Variants in PLXNA4 observed in about 807,000 individuals in gnomAD.
PLXNA4 encodes plexin A4.
Under a neutral mutation model 191.8 loss-of-function variants are expected in PLXNA4, and 44 were observed. The observed-to-expected ratio is 0.23, with a 90% confidence interval of 0.18 to 0.29. The LOEUF is 0.29. Among genes scored for constraint, PLXNA4 ranks in the 10% least tolerant of loss-of-function variants. The pLI is 1.00. For synonymous variants in PLXNA4, 1,082 were observed against 1,009.5 expected (o/e 1.07, Z -1.36); for missense variants, 1,800 against 2,488.8 (o/e 0.72, Z 5.89).
intron 2 of PLXNA4, among the ~76,000 whole-genome samples, chr7:132,586,468 A>C (rs1372275532): frequency 6.6e-6 from 1 of 152,252 alleles, no homozygotes; most frequent in Admixed American, 6.5e-5. Flanking sequence ...TATGGCACTC[A>C]GGCCGGGCAT....
chr7:132,506,541 G>A (rs1798471955), intron 2 of PLXNA4, among the ~76,000 whole-genome samples: 1 of 152,196 alleles, frequency 6.6e-6, no homozygotes, highest in Admixed American at 6.5e-5. Flanking sequence ...TGAAGATGCT[G>A]ATAGCTGAGC....
In PLXNA4 at chr7:132,646,849, A is replaced by G. The variant is rs191641253; in HGVS notation, c.-202-806T>C. Among the ~76,000 whole-genome samples, 504 of 152,266 alleles carry G rather than the reference A, an allele frequency of 3.3e-3. 3 individuals carry two copies. Among genetic ancestry groups the G allele is most frequent in the South Asian group, 0.016 (78 of 4,822 alleles). On this transcript the variant is annotated intron_variant, in intron 1 of 4. Transcript: ENST00000378539. ...CAGACACACGGCCACACATACGAAC[A>G]CACACTGTCATACACTCACAAACAC...
chr7:132,605,998 T>C (rs952812973), intron 2 of PLXNA4, among the ~76,000 whole-genome samples: 3 of 152,076 alleles, frequency 2.0e-5, no homozygotes, highest in Admixed American at 1.3e-4. Flanking sequence ...ACCCCGCCTC[T>C]ACTAAAAATA....
intron 2 of PLXNA4, among the ~76,000 whole-genome samples, chr7:132,595,544 C>A (rs1387073847): frequency 6.6e-6 from 1 of 152,188 alleles, no homozygotes; most frequent in East Asian, 1.9e-4. Flanking sequence ...TTACCTTGTT[C>A]TTAAAACCCA....
At chr7:132,369,544 C>T (rs1585045254) in intron 3 of PLXNA4, among the ~76,000 whole-genome samples, 1 of 152,066 alleles carries the variant, frequency 6.6e-6, no homozygotes, top group Non-Finnish European at 1.5e-5. Context: ...ATGGAAGAGC[C>T]CCCAGTGGGC....
At chr7:132,378,447 G>T (rs947846161) in intron 3 of PLXNA4, among the ~76,000 whole-genome samples, 1 of 152,194 alleles carries the variant, frequency 6.6e-6, no homozygotes, top group Middle Eastern at 3.2e-3. Flanking sequence ...AATCCCTAGA[G>T]ATTAGAAAGG....
At chr7:132,200,212 C>A (rs751063760) in intron 12 of PLXNA4, among the ~76,000 whole-genome samples, 1 of 152,178 alleles carries the variant, frequency 6.6e-6, no homozygotes, top group Non-Finnish European at 1.5e-5. Flanking sequence ...GTTTAATTTG[C>A]CGTCTCCTCC....
At chr7:132,282,160 T>G (rs796518240) in intron 4 of PLXNA4, among the ~76,000 whole-genome samples, 1 of 152,338 alleles carries the variant, frequency 6.6e-6, no homozygotes, top group Middle Eastern at 3.4e-3. Flanking sequence ...TAAATTTTTT[T>G]TATTATTATA....
intron 21 of PLXNA4, 106 bp from the exon 22 acceptor site, chr7:132,168,678 T>G: frequency 1.4e-6 from 2 of 1,418,954 alleles, no homozygotes; most frequent in South Asian, 1.6e-5. Context: ...ATCCACCAAT[T>G]AAGCCACAGT....
chr7:132,435,883 C>T (rs1795452955), intron 3 of PLXNA4, among the ~76,000 whole-genome samples: 1 of 152,236 alleles, frequency 6.6e-6, no homozygotes, highest in Non-Finnish European at 1.5e-5. Context: ...AGGCCAGGGT[C>T]AGCAGCCAGC....
chr7:132,136,738 T>C lies in PLXNA4; in HGVS notation c.5439-3539A>G, dbSNP rs780240801. On this transcript the variant is annotated intron_variant, in intron 30 of 31. Transcript: ENST00000321063. The stretch of plus-strand genomic sequence containing the variant: ...CTCTGTAGTGATTGGGAAGATGGTC[T>C]CCAATGCCCTAAACTCTTTGGAAAG... Among the ~76,000 whole-genome samples the C allele has an allele frequency of 5.8e-4, 89 of 152,210 alleles. 1 individual carries two copies. The highest frequency in any genetic ancestry group is 1.5e-4 in the Non-Finnish European group (10 of 68,038).
At chr7:132,153,146 C>T (rs1420751369) in intron 25 of PLXNA4, among the ~76,000 whole-genome samples, 1 of 152,040 alleles carries the variant, frequency 6.6e-6, no homozygotes, top group Non-Finnish European at 1.5e-5. Flanking sequence ...AAGGGCTGCC[C>T]AGGTTAAATT....
intron 1 of PLXNA4, among the ~76,000 whole-genome samples, chr7:132,559,173 T>C (rs963406979): frequency 2.6e-5 from 4 of 152,052 alleles, no homozygotes; most frequent in African/African-American, 7.2e-5. Context: ...AAAGTGCAGC[T>C]CCGTAAATGT....
At chr7:132,329,178 C>T (rs1444255393) in intron 3 of PLXNA4, among the ~76,000 whole-genome samples, 1 of 152,138 alleles carries the variant, frequency 6.6e-6, no homozygotes, top group Non-Finnish European at 1.5e-5. Context: ...TTTGTCGGCC[C>T]ATAACATAAA....
chr7:132,392,514 T>C (rs1006700306), intron 3 of PLXNA4, among the ~76,000 whole-genome samples: 2 of 152,212 alleles, frequency 1.3e-5, no homozygotes, highest in African/African-American at 4.8e-5. Flanking sequence ...ACAGTCATGA[T>C]ACTCCAAGCT....
chr7:132,271,431 G>GAA (rs5887561), intron 4 of PLXNA4, among the ~76,000 whole-genome samples: 8,958 of 128,332 alleles, frequency 0.07, 632 homozygotes, highest in Admixed American at 0.18. Flanking sequence ...AGTCACTTAG[G>GAA]AAAAAAAAAA....
At chr7:132,568,495 G>A (rs1801835553) in intron 1 of PLXNA4, among the ~76,000 whole-genome samples, 1 of 152,150 alleles carries the variant, frequency 6.6e-6, no homozygotes, top group Non-Finnish European at 1.5e-5. Context: ...AGAACTTTAT[G>A]TTCTTTGCAT....
At chr7:132,491,357 G>A (rs1797790203) in intron 2 of PLXNA4, among the ~76,000 whole-genome samples, 2 of 152,202 alleles carry the variant, frequency 1.3e-5, no homozygotes, top group South Asian at 2.1e-4. Flanking sequence ...CGTTCACCTG[G>A]CCCCAGCAGG....
At chr7:132,509,189 A>G (rs1436231986) in intron 1 of PLXNA4, among the ~76,000 whole-genome samples, 3 of 150,166 alleles carry the variant, frequency 2.0e-5, no homozygotes, top group African/African-American at 5.0e-5. Context: ...GGGAGGGAGG[A>G]AGGGCAGGAG....
Sources: gnomAD v4.1 joint callset for allele counts (sites outside exome capture counted in the v4.1 genomes callset) on GRCh38, gnomAD v4.1.1 for gene constraint, MANE v1.5 for transcripts, NCBI Gene and HGNC (gene_info 2026-07-23, HGNC 2026-07-21) for gene names.